SPOCK3: variants seen among roughly 807,000 people sequenced by gnomAD.
SPOCK3 encodes SPARC (osteonectin), cwcv and kazal like domains proteoglycan 3.
In SPOCK3, 30 loss-of-function variants were observed where a neutral mutation model predicts 56.6. The ratio of observed to expected loss-of-function variants is 0.53; its 90% CI spans 0.40 to 0.72. SPOCK3 has a LOEUF of 0.72. SPOCK3 is among the 30% of genes least tolerant of loss of function. SPOCK3 has a pLI of 0.00. For synonymous variants in SPOCK3, 196 were observed against 183.3 expected, an observed-to-expected ratio of 1.07 and a Z score of -0.56; for missense variants, 527 against 530.0, an observed-to-expected ratio of 0.99 and a Z score of 0.06.
At chr4:166,798,137 T>G (rs1392932751) in intron 6 of SPOCK3, among the ~76,000 whole-genome samples, 1 of 152,220 alleles carries the variant, frequency 6.6e-6, no homozygotes, top group Non-Finnish European at 1.5e-5. Flanking sequence ...ACCTGATCAT[T>G]ATAATAAACA....
chr4:167,203,013 A>C (rs1733672532), intron 2 of SPOCK3, among the ~76,000 whole-genome samples: 2 of 151,418 alleles, frequency 1.3e-5, no homozygotes, highest in East Asian at 3.9e-4. Flanking sequence ...GTATTGATGC[A>C]TACACAATTA....
intron 2 of SPOCK3, among the ~76,000 whole-genome samples, chr4:167,080,068 C>A (rs1005591741): frequency 6.6e-6 from 1 of 151,974 alleles, no homozygotes; most frequent in Non-Finnish European, 1.5e-5. Context: ...TTGCAAAATG[C>A]ATAGATGGCA....
At position 166,733,638 on chromosome 4, in the gene SPOCK3, T is replaced by A. The variant is rs554087028; in HGVS notation, c.*1283A>T. On this transcript the variant is annotated 3_prime_UTR_variant, in exon 11 of 11. Coordinates refer to ENST00000357545, the MANE Select transcript of SPOCK3 (RefSeq NM_001040159.2). Reference sequence around the variant, plus strand: ...TATTATGGGCACAAAACCATTGGTATGATATAGTTAAAAGTGATGGTGTGC... The same window carrying A: ...TATTATGGGCACAAAACCATTGGTAAGATATAGTTAAAAGTGATGGTGTGC... The A allele has an allele frequency of 6.6e-6, 1 of 152,298 alleles. No individual in the cohort carries two copies. The highest frequency in any genetic ancestry group is 1.9e-4 in the East Asian group (1 of 5,182). 9.4% of individuals were successfully genotyped at this position (152,298 alleles called of 1,614,324 possible).
At chr4:166,764,622 C>T (rs1225581614) in intron 7 of SPOCK3, among the ~76,000 whole-genome samples, 3 of 152,104 alleles carry the variant, frequency 2.0e-5, no homozygotes, top group Non-Finnish European at 4.4e-5. Context: ...CAAGTCTTTG[C>T]TATTGTGAAT....
chr4:166,939,662 A>T (rs1740830208), intron 4 of SPOCK3, among the ~76,000 whole-genome samples: 2 of 152,230 alleles, frequency 1.3e-5, no homozygotes, highest in Admixed American at 6.5e-5. Flanking sequence ...TATAATACAT[A>T]GTAGGAGCTC....
intron 4 of SPOCK3, among the ~76,000 whole-genome samples, chr4:166,942,808 T>C (rs2150019011): frequency 6.6e-6 from 1 of 152,336 alleles, no homozygotes; most frequent in Non-Finnish European, 1.5e-5. Flanking sequence ...CTGTAAATAG[T>C]GTCTTATAAA....
chr4:167,232,772 A>G (rs1238998910), intron 2 of SPOCK3, among the ~76,000 whole-genome samples: 1 of 152,200 alleles, frequency 6.6e-6, no homozygotes, highest in Non-Finnish European at 1.5e-5. Flanking sequence ...GCTAAACCTA[A>G]TTTTAAAGTA....
intron 7 of SPOCK3, among the ~76,000 whole-genome samples, chr4:166,778,270 C>G (rs1024198347): frequency 1.3e-5 from 2 of 152,130 alleles, no homozygotes; most frequent in African/African-American, 4.8e-5. Context: ...GACACATAAG[C>G]AGTACATTTC....
At chr4:167,047,494 G>A (rs574440341) in intron 3 of SPOCK3, among the ~76,000 whole-genome samples, 42 of 152,128 alleles carry the variant, frequency 2.8e-4, no homozygotes, top group African/African-American at 1.0e-3. Flanking sequence ...CCCAAAATAA[G>A]CCACTAAGAA....
intron 4 of SPOCK3, among the ~76,000 whole-genome samples, chr4:166,960,394 T>TA (rs1483058053): frequency 1.3e-5 from 2 of 152,154 alleles, no homozygotes; most frequent in African/African-American, 4.8e-5. Context: ...GGGAACATCA[T>TA]AAAAAATTCA....
rs144538855 is a variant in SPOCK3, at chr4:166,931,453, T to C, written c.351-18710A>G. ...TATATCACATTAGTTTACCTAATAT[T>C]TAATATTATATTCTTTACATATTAA... On this transcript the variant is annotated intron_variant, in intron 4 of 10. Transcript: ENST00000357545. 7.4e-4 allele frequency among the ~76,000 whole-genome samples: 113 copies of C among 152,330 alleles called. 2 individuals carry two copies. In the East Asian group the frequency reaches 0.021, roughly 29 times the overall value.
chr4:166,856,484 A>G (rs1730680733), intron 6 of SPOCK3, among the ~76,000 whole-genome samples: 1 of 152,138 alleles, frequency 6.6e-6, no homozygotes, highest in Non-Finnish European at 1.5e-5. Context: ...TCATAAAAAT[A>G]TATACAGTCG....
At chr4:167,160,399 A>C (rs1350459042) in intron 2 of SPOCK3, among the ~76,000 whole-genome samples, 2 of 152,164 alleles carry the variant, frequency 1.3e-5, no homozygotes, top group Non-Finnish European at 2.9e-5. Flanking sequence ...AGAGGATACA[A>C]ACAAATGGAA....
intron 2 of SPOCK3, among the ~76,000 whole-genome samples, chr4:167,226,560 G>A (rs1036373970): frequency 4.5e-4 from 69 of 152,084 alleles, no homozygotes; most frequent in African/African-American, 1.6e-3. Flanking sequence ...CATTTTCTCC[G>A]AGTATTGAGT....
intron 2 of SPOCK3, among the ~76,000 whole-genome samples, chr4:167,125,932 A>G (rs1287200190): frequency 6.6e-6 from 1 of 152,154 alleles, no homozygotes; most frequent in Admixed American, 6.5e-5. Flanking sequence ...AGAAAGGAAA[A>G]GGGAAATGGA....
At chr4:166,895,924 A>G (rs571088380) in intron 5 of SPOCK3, among the ~76,000 whole-genome samples, 53 of 152,264 alleles carry the variant, frequency 3.5e-4, no homozygotes, top group African/African-American at 1.3e-3. Flanking sequence ...GGATTAACCT[A>G]AAAAGCCATG....
intron 2 of SPOCK3, among the ~76,000 whole-genome samples, chr4:167,135,973 C>T (rs981460671): frequency 6.6e-6 from 1 of 152,064 alleles, no homozygotes; most frequent in Non-Finnish European, 1.5e-5. Context: ...CCTAAAGCAA[C>T]AAACAGTGAA....
intron 2 of SPOCK3, among the ~76,000 whole-genome samples, chr4:167,217,644 G>A (rs575098998): frequency 1.3e-5 from 2 of 152,012 alleles, no homozygotes; most frequent in East Asian, 3.9e-4. Context: ...ATATGCTACT[G>A]CAAATTCGTA....
intron 2 of SPOCK3, among the ~76,000 whole-genome samples, chr4:167,075,110 G>A (rs1757054578): frequency 6.6e-6 from 1 of 151,568 alleles, no homozygotes; most frequent in African/African-American, 2.4e-5. Flanking sequence ...AAACTTTGTT[G>A]TGTATGCCCG....
Sources: allele counts gnomAD v4.1 joint callset (sites outside exome capture counted in the v4.1 genomes callset), GRCh38; gene constraint gnomAD v4.1.1; transcripts MANE v1.5; gene names NCBI Gene and HGNC (gene_info 2026-07-23, HGNC 2026-07-21).